NCAM2: variants seen among roughly 807,000 people sequenced by gnomAD.
NCAM2 encodes N-CAM-2.
Under a neutral mutation model 98.1 loss-of-function variants are expected in NCAM2, and 30 were observed. The observed-to-expected ratio is 0.31, with a 90% CI of 0.23 to 0.41. The LOEUF (loss-of-function observed/expected upper bound fraction) is 0.41, where lower values mean the gene tolerates loss of function less well. Ranked by LOEUF, NCAM2 falls within the 10% of genes least tolerant of loss-of-function variation. The pLI is 1.00. For synonymous variants in NCAM2, 368 were observed against 342.4 expected (o/e 1.07, Z -0.83); for missense variants, 867 against 1,005.8 (o/e 0.86, Z 1.87).
chr21:21,331,840 G>A (rs1349082642), intron 6 of NCAM2, among the ~76,000 whole-genome samples: 1 of 150,046 alleles, frequency 6.7e-6, no homozygotes, highest in Non-Finnish European at 1.5e-5. Flanking sequence ...ATCTGCCTTG[G>A]CATCCCAAAG....
chr21:21,198,182 ATATGTGTG>A (rs917709982), intron 1 of NCAM2, among the ~76,000 whole-genome samples: 15 of 107,144 alleles, frequency 1.4e-4, no homozygotes, highest in African/African-American at 5.3e-4. Flanking sequence ...TATGTAAAGT[ATATGTGTG>A]TGTGTGTGTG....
Position 21,352,826 on chromosome 21 carries a change from TAAA to T in NCAM2, c.1044+14306_1044+14308del, listed in dbSNP as rs377003114. Among the ~76,000 whole-genome samples, 6 of 135,142 alleles carry T rather than the reference TAAA, an allele frequency of 4.4e-5. 1 individual carries two copies. Among genetic ancestry groups the T allele is most frequent in the South Asian group, 4.7e-4 (2 of 4,246 alleles). 88.7% of individuals were successfully genotyped at this position (135,142 alleles called of 152,430 possible). A position where few individuals can be genotyped will look rare whatever the true frequency, so the allele number is the denominator to read the frequency against. On this transcript the variant is annotated intron_variant, in intron 8 of 17. Transcript: ENST00000400546. ...TATAAAAAAAAAAAGATTAGAAAAT[TAAA>T]AAAAAAAAAAAAAGAAAGTGTTTTT... is the stretch of plus-strand genomic sequence containing the variant.
intron 1 of NCAM2, among the ~76,000 whole-genome samples, chr21:21,266,243 A>T (rs1264106707): frequency 6.6e-6 from 1 of 152,116 alleles, no homozygotes; most frequent in Non-Finnish European, 1.5e-5. Context: ...AGACTTAAAC[A>T]TACTGTTTTT....
chr21:21,451,943 C>G (rs1981137771), intron 12 of NCAM2, among the ~76,000 whole-genome samples: 1 of 152,154 alleles, frequency 6.6e-6, no homozygotes, highest in Admixed American at 6.6e-5. Flanking sequence ...TTGGGCCACT[C>G]ATACTACATT....
chr21:21,103,081 A>G (rs184507480), intron 1 of NCAM2, among the ~76,000 whole-genome samples: 1 of 152,194 alleles, frequency 6.6e-6, no homozygotes, highest in East Asian at 1.9e-4. Flanking sequence ...TAAGAAAGTG[A>G]CGCTAGCTTA....
intron 1 of NCAM2, among the ~76,000 whole-genome samples, chr21:21,122,882 T>G (rs1024410597): frequency 2.0e-5 from 3 of 152,168 alleles, no homozygotes; most frequent in Non-Finnish European, 4.4e-5. Context: ...GGCAGAGCTG[T>G]GGTGCAAACT....
chr21:21,392,564 C>T (rs2076404086), intron 9 of NCAM2, among the ~76,000 whole-genome samples: 1 of 152,210 alleles, frequency 6.6e-6, no homozygotes, highest in Non-Finnish European at 1.5e-5. Flanking sequence ...TACACTGCCA[C>T]CAACAGTGTA....
At chr21:21,181,286 G>GT (rs2068460088) in intron 1 of NCAM2, among the ~76,000 whole-genome samples, 1 of 151,958 alleles carries the variant, frequency 6.6e-6, no homozygotes, top group South Asian at 2.1e-4. Context: ...ATATTTAATA[G>GT]TTTCCTCTGT....
chr21:21,295,196 G>A (rs569736827), intron 5 of NCAM2, among the ~76,000 whole-genome samples: 8 of 151,112 alleles, frequency 5.3e-5, no homozygotes, highest in South Asian at 2.1e-4. Flanking sequence ...TTTATTCTAC[G>A]TTTTGTTCTT....
intron 6 of NCAM2, among the ~76,000 whole-genome samples, chr21:21,326,978 A>G (rs2074531597): frequency 6.6e-6 from 1 of 152,214 alleles, no homozygotes; most frequent in South Asian, 2.1e-4. Context: ...CATAGAGATA[A>G]TATTTCCAAG....
intron 1 of NCAM2, among the ~76,000 whole-genome samples, chr21:21,141,681 C>G (rs1463130735): frequency 6.6e-6 from 1 of 152,146 alleles, no homozygotes; most frequent in Non-Finnish European, 1.5e-5. Context: ...TCATGGAAGG[C>G]TCTTAAATTT....
At chr21:21,009,190 A>G (rs1033619919) in intron 1 of NCAM2, among the ~76,000 whole-genome samples, 25 of 152,290 alleles carry the variant, frequency 1.6e-4, no homozygotes, top group African/African-American at 5.8e-4. Context: ...GCAGAAGCCA[A>G]ATTGACTGAT....
chr21:21,134,188 C>T (rs2066994474), intron 1 of NCAM2, among the ~76,000 whole-genome samples: 1 of 151,932 alleles, frequency 6.6e-6, no homozygotes, highest in Admixed American at 6.6e-5. Context: ...CCTGCGTCAG[C>T]CTCCTGAGTA....
At chr21:21,306,801 A>G (rs2073892692) in intron 5 of NCAM2, among the ~76,000 whole-genome samples, 1 of 152,000 alleles carries the variant, frequency 6.6e-6, no homozygotes, top group African/African-American at 2.4e-5. Flanking sequence ...GATTCTTTCT[A>G]TTTTTGTACC....
chr21:21,022,444 T>G (rs2064457233), intron 1 of NCAM2, among the ~76,000 whole-genome samples: 1 of 152,086 alleles, frequency 6.6e-6, no homozygotes, highest in African/African-American at 2.4e-5. Flanking sequence ...TTTTAATTTT[T>G]GCATGGCTTT....
chr21:21,342,089 G>A (rs2075058592), intron 8 of NCAM2, among the ~76,000 whole-genome samples: 1 of 152,116 alleles, frequency 6.6e-6, no homozygotes, highest in South Asian at 2.1e-4. Flanking sequence ...GTGGTATGTT[G>A]GAAGACCTTC....
At chr21:21,241,816 A>C (rs1449336513) in intron 1 of NCAM2, among the ~76,000 whole-genome samples, 1 of 152,084 alleles carries the variant, frequency 6.6e-6, no homozygotes, top group Non-Finnish European at 1.5e-5. Flanking sequence ...TTGATCGATA[A>C]AATTTGATGG....
In NCAM2 at chr21:21,034,056, G is replaced by GA. The variant is rs1160880543; in HGVS notation, c.55+35438_55+35439insA. On this transcript the variant is annotated intron_variant, in intron 1 of 17. Coordinates refer to ENST00000400546, the MANE Select transcript of NCAM2 (RefSeq NM_004540.5). ...TGTGAGATAAGAGATAGGCAAAGGG[G>GA]GGGGGGAAACAAAGATTGAGATAAG... Among the ~76,000 whole-genome samples, 17 of 151,068 alleles carry GA rather than the reference G, an allele frequency of 1.1e-4. 1 individual carries two copies. The highest frequency in any genetic ancestry group is 3.9e-4 in the African/African-American group (16 of 41,108).
At chr21:21,224,176 T>G (rs1254550944) in intron 1 of NCAM2, among the ~76,000 whole-genome samples, 3 of 152,208 alleles carry the variant, frequency 2.0e-5, no homozygotes, top group Non-Finnish European at 4.4e-5. Flanking sequence ...TATCAGATAC[T>G]GCAAAGTCTT....
Sources: allele counts gnomAD v4.1 joint callset (sites outside exome capture counted in the v4.1 genomes callset), GRCh38; gene constraint gnomAD v4.1.1; transcripts MANE v1.5; gene names NCBI Gene and HGNC (gene_info 2026-07-23, HGNC 2026-07-21).